The following C11orf16 variants were observed in gnomAD, a reference collection of about 807,000 sequenced individuals.
The protein encoded by C11orf16 is uncharacterized protein C11orf16.
Under a neutral mutation model 45.1 loss-of-function variants are expected in C11orf16, and 38 were observed. The ratio of observed to expected loss-of-function variants is 0.84; its 90% confidence interval spans 0.65 to 1.10. The LOEUF is 1.10. Ranked by LOEUF, C11orf16 falls within the 50% of genes least tolerant of loss-of-function variation. The pLI is 0.00. For synonymous variants in C11orf16, 221 were observed against 222.0 expected (o/e 1.00, Z 0.04); for missense variants, 583 against 569.5 (o/e 1.02, Z -0.24).
chr11:8,923,693 T>C (rs1329971223), intron 5 of C11orf16, among the ~76,000 whole-genome samples: 2 of 152,096 alleles, frequency 1.3e-5, no homozygotes, highest in African/African-American at 4.8e-5. Context: ...TTACCCTGCC[T>C]CCCAGCTTCA....
chr11:8,926,839 T>TC, intron 4 of C11orf16, 101 bp downstream of exon 4: 1 of 902,258 alleles, frequency 1.1e-6, no homozygotes, highest in East Asian at 2.5e-5. Context: ...CTTAATGCCT[T>TC]AGAAACCCCT....
In C11orf16 at chr11:8,927,037, T is replaced by G; in HGVS notation, c.462A>C (p.Arg154Ser). 6.2e-7 allele frequency: 1 copy of G among 1,614,098 alleles called. No individual in the cohort carries two copies. Among genetic ancestry groups the G allele is most frequent in the Non-Finnish European group, 8.5e-7 (1 of 1,180,022 alleles). ...AGAGTGCCAGCACCTTATCCCCTGGTCTCAGTGAGTATCCTACAGATGGTG... is the reference window on the plus strand; with the variant it reads ...AGAGTGCCAGCACCTTATCCCCTGGGCTCAGTGAGTATCCTACAGATGGTG... ...PLSPSVGYSLRPGDKVLALWE... is the reference protein window; with the variant it reads ...PLSPSVGYSLSPGDKVLALWE... The change falls in exon 4 of 7, where the codon AGA becomes AGC. Residue 154 changes from arginine to serine, a missense_variant. Arg to Ser is a moderately radical substitution (Grantham distance 110). Transcript: ENST00000326053.
Position 8,927,230 on chromosome 11 carries a change from G to A in C11orf16, c.325-56C>T, listed in dbSNP as rs143201923. 4.7e-4 allele frequency: 664 copies of A among 1,407,216 alleles called. 9 individuals carry two copies. In the African/African-American group the frequency reaches 8.4e-3, roughly 18 times the overall value. 87.2% of individuals were successfully genotyped at this position (1,407,216 alleles called of 1,614,324 possible). A position where few individuals can be genotyped will look rare whatever the true frequency, so the allele number is the denominator to read the frequency against. On this transcript the variant is annotated intron_variant, in intron 3 of 6. Coordinates refer to ENST00000326053, the MANE Select transcript of C11orf16 (RefSeq NM_020643.3). Reference sequence around the variant, plus strand: ...CTGGCATTACAAAGTACAATAGGGAGCACCCAGGTTCCCTACGATGCCCCC... The same window carrying A: ...CTGGCATTACAAAGTACAATAGGGAACACCCAGGTTCCCTACGATGCCCCC...
chr11:8,925,530 ACT>A lies in C11orf16; in HGVS notation c.1135_1136del (p.Ser379TrpfsTer6). The stretch of plus-strand genomic sequence containing the variant: ...ACCTCCACTCAGGCTGGCAGAGGCC[ACT>A]CTGTCTCAGAGGCATCTCAAGAAAG... ...PIFLEMPLRQ[S>X]GLCQPEWRYW... On this transcript the variant is annotated frameshift_variant, in exon 5 of 7. Transcript: ENST00000326053. LOFTEE classifies it high-confidence loss of function. 1 of 1,614,000 alleles carries A rather than the reference ACT, an allele frequency of 6.2e-7. No homozygotes were observed. Among genetic ancestry groups the A allele is most frequent in the East Asian group, 2.2e-5 (1 of 44,864 alleles).
At chr11:8,930,244 G>C (rs965733694) in intron 2 of C11orf16, among the ~76,000 whole-genome samples, 1 of 151,940 alleles carries the variant, frequency 6.6e-6, no homozygotes, top group Non-Finnish European at 1.5e-5. Flanking sequence ...TGGACAACAC[G>C]GTGAAACCCC....
At position 8,925,820 on chromosome 11, in the gene C11orf16, A is replaced by G. The variant is rs1372617782; in HGVS notation, c.847T>C (p.Cys283Arg). The change falls in exon 5 of 7, where the codon TGT becomes CGT. Residue 283 changes from cysteine (C) to arginine (R), a missense_variant. By Grantham distance (180) the Cys-to-Arg change is radical. Coordinates refer to ENST00000326053, the MANE Select transcript of C11orf16 (RefSeq NM_020643.3). ...GTCGTGCCACATGGCGGGCAGCCAC[A>G]GAGGCAGCCCTGGCACAGTAGCTGG... is the stretch of plus-strand genomic sequence containing the variant. ...CCQLLCQGCL[C>R]GCPPCGTTWW... 1 of 1,614,234 alleles carries G rather than the reference A, an allele frequency of 6.2e-7. No individual in the cohort carries two copies.
chr11:8,925,512 C>T lies in C11orf16; in HGVS notation c.1155G>A (p.Glu385=), dbSNP rs751281201. The change falls in exon 5 of 7, where the codon GAG becomes GAA. Residue 385 remains glutamate (E), a synonymous_variant. Transcript: ENST00000326053. ...GCCCGTTTCTCTTCCAATACCTCCACTCAGGCTGGCAGAGGCCACTCTGTC... is the reference window on the plus strand; with the variant it reads ...GCCCGTTTCTCTTCCAATACCTCCATTCAGGCTGGCAGAGGCCACTCTGTC... ...PLRQSGLCQP[E]WRYWKRNGPE... The T allele has an allele frequency of 6.2e-7, 1 of 1,614,244 alleles. No individual in the cohort carries two copies. Among genetic ancestry groups the T allele is most frequent in the South Asian group, 1.1e-5 (1 of 91,086 alleles).
intron 3 of C11orf16, among the ~76,000 whole-genome samples, chr11:8,928,509 C>A (rs2064630020): frequency 1.3e-5 from 2 of 152,136 alleles, no homozygotes; most frequent in Admixed American, 1.3e-4. Context: ...AGTACACTTT[C>A]TTCTCTGTTA....
chr11:8,927,529 A>G (rs891506954), intron 3 of C11orf16: 2 of 447,546 alleles, frequency 4.5e-6, no homozygotes, highest in Non-Finnish European at 8.9e-6. Context: ...CCTTTTCTCA[A>G]TGCAATCTCC....
At chr11:8,922,791 T>C (rs1026229729) in intron 5 of C11orf16, among the ~76,000 whole-genome samples, 1 of 152,220 alleles carries the variant, frequency 6.6e-6, no homozygotes, top group Non-Finnish European at 1.5e-5. Context: ...ATACAAAACC[T>C]GGAGGGGAGA....
chr11:8,920,351 CTG>C lies in C11orf16; in HGVS notation c.*120_*121del, dbSNP rs2064561194. 5 of 595,310 alleles carry C rather than the reference CTG, an allele frequency of 8.4e-6. No homozygotes were observed. Among genetic ancestry groups the C allele is most frequent in the Non-Finnish European group, 1.5e-5 (5 of 337,314 alleles). The allele number at this position is 595,310 out of a possible 1,614,324, so 36.9% of individuals were successfully genotyped here. A position where few individuals can be genotyped will look rare whatever the true frequency, so the allele number is the denominator to read the frequency against. ...GGTGGAGATACTGGTGGTTATTTGA[CTG>C]TTACCTGTGGCCTGTCCTCTGCCTC... On this transcript the variant is annotated 3_prime_UTR_variant, in exon 7 of 7. Transcript: ENST00000326053.
chr11:8,924,079 A>T (rs570322392), intron 5 of C11orf16, among the ~76,000 whole-genome samples: 3 of 151,990 alleles, frequency 2.0e-5, no homozygotes, highest in Non-Finnish European at 4.4e-5. Flanking sequence ...AAAAATCCTC[A>T]TATAAAATCC....
In C11orf16 at chr11:8,925,591, A is replaced by G. The variant is rs925980696; in HGVS notation, c.1076T>C (p.Leu359Pro). The stretch of plus-strand genomic sequence containing the variant: ...TGTGTTGACTGCACTGTTCACCATC[A>G]GTCTCTGGGGAGGGCCCATCTCCAG... Reference protein sequence around the residue: ...NDLEMGPPQRLMVNSAVNTDP... With the variant: ...NDLEMGPPQRPMVNSAVNTDP... Residue 359 changes from leucine to proline, a missense_variant, in exon 5 of 7, where the codon CTG (leucine) becomes CCG (proline). Coordinates refer to ENST00000326053, the MANE Select transcript of C11orf16 (RefSeq NM_020643.3). The G allele has an allele frequency of 3.1e-6, 5 of 1,614,134 alleles. No homozygotes were observed. The highest frequency in any genetic ancestry group is 3.3e-5 in the Admixed American group (2 of 60,014).
chr11:8,931,806 A>G (rs534598246), intron 2 of C11orf16, among the ~76,000 whole-genome samples: 10 of 152,168 alleles, frequency 6.6e-5, no homozygotes, highest in Non-Finnish European at 1.5e-4. Context: ...GATTGTATAC[A>G]GGTGTGAGCC....
chr11:8,927,994 G>A (rs1374390362), intron 3 of C11orf16, among the ~76,000 whole-genome samples: 1 of 152,058 alleles, frequency 6.6e-6, no homozygotes, highest in Non-Finnish European at 1.5e-5. Flanking sequence ...TGCAACCTCT[G>A]CCTCCTGGGT....
In C11orf16 at chr11:8,925,687, G is replaced by T; in HGVS notation, c.980C>A (p.Ala327Glu). 1 of 1,614,264 alleles carries T rather than the reference G, an allele frequency of 6.2e-7. No homozygotes were observed. The highest frequency in any genetic ancestry group is 8.5e-7 in the Non-Finnish European group (1 of 1,180,050). Reference protein sequence around the residue: ...PLEGPKEEKVAMHAPLAVSSS... With the variant: ...PLEGPKEEKVEMHAPLAVSSS... ...AGAAACAGCCAGGGGAGCGTGCATTGCTACTTTCTCCTCTTTAGGACCTTC... is the reference window on the plus strand; with the variant it reads ...AGAAACAGCCAGGGGAGCGTGCATTTCTACTTTCTCCTCTTTAGGACCTTC... Residue 327 changes from alanine (A) to glutamate (E), a missense_variant, in exon 5 of 7, where the codon GCA becomes GAA. Ala to Glu is a moderately radical substitution (Grantham distance 107). Transcript: ENST00000326053.
intron 5 of C11orf16, among the ~76,000 whole-genome samples, chr11:8,922,857 T>C (rs1396461255): frequency 1.3e-5 from 2 of 152,138 alleles, no homozygotes; most frequent in African/African-American, 2.4e-5. Context: ...TTTCTGTGCT[T>C]CTCTTCACTA....
At chr11:8,925,029 C>T (rs561938567) in intron 5 of C11orf16, among the ~76,000 whole-genome samples, 161 of 152,300 alleles carry the variant, frequency 1.1e-3, no homozygotes, top group Admixed American at 2.7e-3. Flanking sequence ...GAGAGTGGGG[C>T]CTCACGACCA....
chr11:8,921,583 C>G (rs1293445681), intron 5 of C11orf16, 68 bp from the exon 6 acceptor site: 1 of 1,352,090 alleles, frequency 7.4e-7, no homozygotes, highest in East Asian at 2.3e-5. Flanking sequence ...AGAACTAAAA[C>G]AAGGATCACT....
Sources: allele counts gnomAD v4.1 joint callset (sites outside exome capture counted in the v4.1 genomes callset), GRCh38; gene constraint gnomAD v4.1.1; transcripts MANE v1.5; gene names NCBI Gene and HGNC (gene_info 2026-07-23, HGNC 2026-07-21).